The following MAML3 variants were observed in gnomAD, a reference collection of about 807,000 sequenced individuals.
MAML3 encodes mastermind like transcriptional coactivator 3, also known as mastermind-like protein 3.
MAML3 carries 27 observed loss-of-function variants against 101.9 expected under a neutral mutation model. The ratio of observed to expected loss-of-function variants is 0.27; its 90% CI spans 0.20 to 0.37. The LOEUF is 0.37. MAML3 is among the 10% of genes least tolerant of loss of function. MAML3 has a pLI of 1.00. For synonymous variants in MAML3, 501 were observed against 555.9 expected, an observed-to-expected ratio of 0.90 and a Z score of 1.39; for missense variants, 1,316 against 1,444.9, an observed-to-expected ratio of 0.91 and a Z score of 1.45.
chr4:140,093,124 C>T (rs2110985226), intron 1 of MAML3, among the ~76,000 whole-genome samples: 1 of 152,254 alleles, frequency 6.6e-6, no homozygotes, highest in South Asian at 2.1e-4. Flanking sequence ...TATAACTTGG[C>T]CCCAAAGTGT....
chr4:139,852,724 T>A (rs1393731012), intron 2 of MAML3, among the ~76,000 whole-genome samples: 1 of 152,174 alleles, frequency 6.6e-6, no homozygotes, highest in African/African-American at 2.4e-5. Context: ...CTGGACTGTG[T>A]GTTTTTAATT....
Position 140,091,552 on chromosome 4 carries a change from A to C in MAML3, c.468+61308T>G, listed in dbSNP as rs1254274373. Among the ~76,000 whole-genome samples the C allele has an allele frequency of 1.6e-4, 24 of 149,976 alleles. 1 individual carries two copies. The highest frequency in any genetic ancestry group is 2.4e-4 in the Non-Finnish European group (16 of 67,260). On this transcript the variant is annotated intron_variant, in intron 1 of 4. Coordinates refer to ENST00000509479, the MANE Select transcript of MAML3 (RefSeq NM_018717.5). ...AACAACAAAACAAAAACAAAACAAA[A>C]AAAAAAAACAGGACCAAGGACCAAG...
intron 1 of MAML3, among the ~76,000 whole-genome samples, chr4:139,996,276 G>C (rs1352235503): frequency 5.9e-5 from 9 of 152,194 alleles, no homozygotes; most frequent in African/African-American, 2.2e-4. Flanking sequence ...CTGGTTAACA[G>C]TGTTGTTCAA....
At chr4:139,851,655 A>G (rs1012306491) in intron 2 of MAML3, among the ~76,000 whole-genome samples, 1 of 152,240 alleles carries the variant, frequency 6.6e-6, no homozygotes, top group Admixed American at 6.5e-5. Context: ...GCATTGGCTC[A>G]GGCCTTTAAG....
intron 1 of MAML3, among the ~76,000 whole-genome samples, chr4:139,899,082 A>G (rs181032933): frequency 1.5e-3 from 223 of 152,362 alleles, no homozygotes; most frequent in African/African-American, 4.9e-3. Flanking sequence ...GTATCTAAAG[A>G]AACTGAATAA....
intron 2 of MAML3, among the ~76,000 whole-genome samples, chr4:139,835,865 C>T (rs558034951): frequency 5.9e-5 from 9 of 152,076 alleles, no homozygotes; most frequent in South Asian, 2.1e-4. Context: ...TCAATTTAAA[C>T]GCAAAGATGA....
chr4:139,988,871 C>T (rs1734607188), intron 1 of MAML3, among the ~76,000 whole-genome samples: 1 of 152,124 alleles, frequency 6.6e-6, no homozygotes, highest in Non-Finnish European at 1.5e-5. Context: ...AGGACGTGTC[C>T]TTATCTTACT....
At chr4:139,819,634 G>A (rs967914329) in intron 2 of MAML3, among the ~76,000 whole-genome samples, 4 of 152,150 alleles carry the variant, frequency 2.6e-5, no homozygotes, top group Admixed American at 1.3e-4. Context: ...GTGGTCACAC[G>A]TAGTTATCAC....
At chr4:139,765,537 C>T (rs990908977) in intron 2 of MAML3, among the ~76,000 whole-genome samples, 5 of 152,212 alleles carry the variant, frequency 3.3e-5, no homozygotes, top group African/African-American at 1.2e-4. Flanking sequence ...TATTTTCAGC[C>T]TCTGAAGTAT....
intron 1 of MAML3, among the ~76,000 whole-genome samples, chr4:140,075,563 A>T (rs1299689559): frequency 6.6e-6 from 1 of 152,156 alleles, no homozygotes; most frequent in Non-Finnish European, 1.5e-5. Flanking sequence ...TAGAGATAGG[A>T]TGTCACTCTA....
At chr4:139,910,720 G>A (rs1370635857) in intron 1 of MAML3, among the ~76,000 whole-genome samples, 2 of 152,136 alleles carry the variant, frequency 1.3e-5, no homozygotes, top group Non-Finnish European at 1.5e-5. Flanking sequence ...ATGAGGTGAA[G>A]TTAAAGGCTT....
intron 2 of MAML3, among the ~76,000 whole-genome samples, chr4:139,795,368 A>G (rs145161163): frequency 1.1e-3 from 162 of 152,310 alleles, no homozygotes; most frequent in African/African-American, 3.4e-3. Flanking sequence ...TTTGAATTCA[A>G]TTGAGTGGTT....
At chr4:140,127,907 T>G (rs1170173348) in intron 1 of MAML3, 2 of 152,212 alleles carry the variant, frequency 1.3e-5, no homozygotes, top group Non-Finnish European at 2.9e-5. Flanking sequence ...CTTCCCAAAA[T>G]TTTATGTGTA....
At chr4:139,813,638 G>A (rs1013715632) in intron 2 of MAML3, among the ~76,000 whole-genome samples, 1 of 152,128 alleles carries the variant, frequency 6.6e-6, no homozygotes, top group African/African-American at 2.4e-5. Flanking sequence ...CTCAGGCAGT[G>A]ATCAGAGAAT....
chr4:139,972,768 G>T (rs905037519), intron 1 of MAML3, among the ~76,000 whole-genome samples: 1 of 152,108 alleles, frequency 6.6e-6, no homozygotes, highest in East Asian at 1.9e-4. Flanking sequence ...TGTGAATTCT[G>T]ACGACAATTT....
intron 2 of MAML3, among the ~76,000 whole-genome samples, chr4:139,832,402 G>A (rs1421822596): frequency 1.3e-5 from 2 of 151,754 alleles, no homozygotes; most frequent in East Asian, 1.9e-4. Flanking sequence ...GTGAGCCACC[G>A]CACCTGGCCC....
intron 1 of MAML3, among the ~76,000 whole-genome samples, chr4:140,123,132 A>G (rs1458947391): frequency 6.7e-6 from 1 of 150,102 alleles, no homozygotes; most frequent in African/African-American, 2.5e-5. Context: ...TTAAAGATAC[A>G]GCTACAATCA....
intron 2 of MAML3, among the ~76,000 whole-genome samples, chr4:139,766,011 AAG>A (rs942377288): frequency 6.6e-6 from 1 of 151,870 alleles, no homozygotes; most frequent in Non-Finnish European, 1.5e-5. Flanking sequence ...AATAAATAAA[AAG>A]AATGAAGTGT....
At chr4:139,753,440 A>G (rs756772247) in intron 2 of MAML3, among the ~76,000 whole-genome samples, 18 of 152,012 alleles carry the variant, frequency 1.2e-4, no homozygotes, top group Non-Finnish European at 5.9e-5. Flanking sequence ...CAAATTTGGA[A>G]AGGAATGTGA....
Sources: allele counts gnomAD v4.1 joint callset (sites outside exome capture counted in the v4.1 genomes callset), GRCh38; gene constraint gnomAD v4.1.1; transcripts MANE v1.5; gene names NCBI Gene and HGNC (gene_info 2026-07-23, HGNC 2026-07-21).